The following BRIP1 variants were observed in gnomAD, a reference collection of about 807,000 sequenced individuals.
BRIP1 encodes the protein BRCA1 interacting DNA helicase 1, also known as Fanconi anemia group J protein.
BRIP1 carries 88 observed loss-of-function variants against 119.7 expected under a neutral mutation model. The observed-to-expected ratio is 0.74, with a 90% CI of 0.62 to 0.88. The LOEUF is 0.88. BRIP1 is among the 40% of genes least tolerant of loss of function. The probability of loss-of-function intolerance (pLI) is 0.00; values close to 1 mark genes in which losing one functional copy is unlikely to be tolerated. For synonymous variants in BRIP1, 443 were observed against 496.5 expected (o/e 0.89, Z 1.43); for missense variants, 1,259 against 1,455.4 (o/e 0.87, Z 2.20).
chr17:61,817,918 A>G (rs1378979125), intron 6 of BRIP1, among the ~76,000 whole-genome samples: 1 of 152,230 alleles, frequency 6.6e-6, no homozygotes, highest in African/African-American at 2.4e-5. Flanking sequence ...CAATTTTTGT[A>G]GACTAGTAAA....
chr17:61,702,219 C>T (rs564285983), intron 17 of BRIP1, among the ~76,000 whole-genome samples: 1 of 152,202 alleles, frequency 6.6e-6, no homozygotes, highest in African/African-American at 2.4e-5. Flanking sequence ...ACATCTTCAT[C>T]TATGTTTCAG....
At position 61,701,359 on chromosome 17, in the gene BRIP1, G is replaced by C. The variant is rs2061610912; in HGVS notation, c.2493-7847C>G. On this transcript the variant is annotated intron_variant, in intron 17 of 19. Coordinates refer to ENST00000259008, the MANE Select transcript of BRIP1 (RefSeq NM_032043.3). The surrounding 1 kb of genome is among the most constrained non-coding windows in gnomAD (Gnocchi z 5.1). Reference sequence around the variant, plus strand: ...GTCTGTATTGTCATGTGTGGTCATTGAAGACTGCTCGATTAACTTAGTAGT... The same window carrying C: ...GTCTGTATTGTCATGTGTGGTCATTCAAGACTGCTCGATTAACTTAGTAGT... Among the ~76,000 whole-genome samples the C allele has an allele frequency of 6.6e-6, 1 of 152,144 alleles. No individual in the cohort carries two copies. The highest frequency in any genetic ancestry group is 1.5e-5 in the Non-Finnish European group (1 of 68,018).
At chr17:61,765,155 T>C (rs572094941) in intron 14 of BRIP1, among the ~76,000 whole-genome samples, 1 of 151,380 alleles carries the variant, frequency 6.6e-6, no homozygotes, top group African/African-American at 2.4e-5. Context: ...TTATTTTCTT[T>C]CTGTCCAGTC....
Position 61,859,741 on chromosome 17 carries a change from A to T in BRIP1, c.205+55T>A, listed in dbSNP as rs570663053. On this transcript the variant is annotated intron_variant, in intron 3 of 19. Transcript: ENST00000259008. ...AACCAGTCTGGATAAAGAATACTGT[A>T]TTATATTTTCTCAGATCCCAGTAAG... 121 of 1,101,834 alleles carry T rather than the reference A, an allele frequency of 1.1e-4. No individual in the cohort carries two copies. In the African/African-American group the frequency reaches 1.6e-3, roughly 14 times the overall value. 68.3% of individuals were successfully genotyped at this position (1,101,834 alleles called of 1,614,324 possible). A position where few individuals can be genotyped will look rare whatever the true frequency, so the allele number is the denominator to read the frequency against.
intron 5 of BRIP1, among the ~76,000 whole-genome samples, chr17:61,847,989 T>A (rs996891377): frequency 1.7e-4 from 26 of 152,296 alleles, no homozygotes; most frequent in East Asian, 9.6e-4. Flanking sequence ...TTGTCATTGG[T>A]ACTTTGATAA....
chr17:61,683,897 G>T lies in BRIP1; in HGVS notation c.3149C>A (p.Thr1050Asn), dbSNP rs373040333. 6.9e-5 allele frequency: 111 copies of T among 1,614,186 alleles called. 2 individuals carry two copies. In the Middle Eastern group the frequency reaches 1.5e-3, roughly 22 times the overall value. ...CAGATTTGAGGATTCACATTTATCA[G>T]TGAAGGGCAAAACAGTTTTACTTTC... Reference protein sequence around the residue: ...KMESKTVLPFTDKCESSNLTV... With the variant: ...KMESKTVLPFNDKCESSNLTV... Residue 1050 changes from threonine to asparagine, a missense_variant, in exon 20 of 20, where the codon ACT becomes AAT. Thr to Asn is a moderately conservative substitution (Grantham distance 65, BLOSUM62 0). This residue lies in a region of BRIP1 where 753 missense variants were observed against 891.8 expected (regional missense o/e 0.84). Coordinates refer to ENST00000259008, the MANE Select transcript of BRIP1 (RefSeq NM_032043.3). The surrounding 1 kb of genome is among the most constrained non-coding windows in gnomAD (Gnocchi z 4.7).
chr17:61,766,345 T>C (rs536950144), intron 14 of BRIP1, among the ~76,000 whole-genome samples: 3 of 152,230 alleles, frequency 2.0e-5, no homozygotes, highest in African/African-American at 7.2e-5. Context: ...AAGAACTACA[T>C]CTAACCTGAG....
chr17:61,783,188 T>G, intron 11 of BRIP1, among the ~76,000 whole-genome samples: 1 of 152,296 alleles, frequency 6.6e-6, no homozygotes, highest in South Asian at 2.1e-4. Flanking sequence ...TTGTGGTATA[T>G]ACATACAATG....
At position 61,846,229 on chromosome 17, in the gene BRIP1, A is replaced by G. The variant is rs1052045444; in HGVS notation, c.627+872T>C. On this transcript the variant is annotated intron_variant, in intron 6 of 19. Transcript: ENST00000259008. The surrounding 1 kb of genome is among the most constrained non-coding windows in gnomAD (Gnocchi z 4.3). ...AATTTAAAAAATTATATACATATAG[A>G]GAGAGAGAGAGAGAAAAAGAGAGAG... is the stretch of plus-strand genomic sequence containing the variant. Among the ~76,000 whole-genome samples the G allele has an allele frequency of 3.2e-5, 4 of 123,862 alleles. No homozygotes were observed. Among genetic ancestry groups the G allele is most frequent in the Non-Finnish European group, 6.0e-5 (4 of 67,060 alleles). 81.3% of individuals were successfully genotyped at this position (123,862 alleles called of 152,430 possible). A position where few individuals can be genotyped will look rare whatever the true frequency, so the allele number is the denominator to read the frequency against.
chr17:61,719,424 G>C (rs1228592217), intron 16 of BRIP1, among the ~76,000 whole-genome samples: 6 of 152,036 alleles, frequency 3.9e-5, no homozygotes, highest in African/African-American at 1.2e-4. Context: ...ATATGTGGAA[G>C]CTTAAAAATG....
chr17:61,861,857 G>T lies in BRIP1; in HGVS notation c.-30-288C>A. 2.3e-6 allele frequency: 1 copy of T among 432,838 alleles called. No homozygotes were observed. Among genetic ancestry groups the T allele is most frequent in the Non-Finnish European group, 4.3e-6 (1 of 234,082 alleles). 26.8% of individuals were successfully genotyped at this position (432,838 alleles called of 1,614,324 possible). ...CCACAGTGACTGCATGTACCCCATA[G>T]GATTGTGGTAATGATTAAGTGAAAT... On this transcript the variant is annotated intron_variant, in intron 1 of 19. Coordinates refer to ENST00000259008, the MANE Select transcript of BRIP1 (RefSeq NM_032043.3). This position sits in a 1 kb window ranked among gnomAD's most constrained non-coding sequence, Gnocchi z 4.5.
intron 10 of BRIP1, among the ~76,000 whole-genome samples, chr17:61,792,861 T>C (rs901174623): frequency 2.0e-5 from 3 of 152,180 alleles, no homozygotes; most frequent in African/African-American, 7.2e-5. Flanking sequence ...TCATCAATTA[T>C]AACAAATATA....
chr17:61,843,529 T>C lies in BRIP1; in HGVS notation c.627+3572A>G, dbSNP rs898944198. On this transcript the variant is annotated intron_variant, in intron 6 of 19. Transcript: ENST00000259008. This position sits in a 1 kb window ranked among gnomAD's most constrained non-coding sequence, Gnocchi z 5.7. ...TAGTGTAAAGTGCTTGGGTCATCAA[T>C]GGCTGGTGCCCTCCTCACAGTAATG... 2.6e-5 allele frequency among the ~76,000 whole-genome samples: 4 copies of C among 152,198 alleles called. No individual in the cohort carries two copies. Among genetic ancestry groups the C allele is most frequent in the Non-Finnish European group, 4.4e-5 (3 of 68,032 alleles).
intron 14 of BRIP1, among the ~76,000 whole-genome samples, chr17:61,749,478 T>C (rs1313708093): frequency 1.3e-5 from 2 of 150,310 alleles, no homozygotes; most frequent in African/African-American, 5.0e-5. Context: ...ATACAAATGG[T>C]TAACAGGTAT....
intron 6 of BRIP1, among the ~76,000 whole-genome samples, chr17:61,820,284 A>T (rs564740270): frequency 2.6e-5 from 4 of 152,310 alleles, no homozygotes; most frequent in African/African-American, 9.6e-5. Flanking sequence ...CTAAAACACC[A>T]CTAAAATAAA....
chr17:61,855,278 A>G (rs1454484558), intron 4 of BRIP1, among the ~76,000 whole-genome samples: 1 of 152,188 alleles, frequency 6.6e-6, no homozygotes, highest in Non-Finnish European at 1.5e-5. Context: ...GTCAAAATGT[A>G]TCAAAGTGTA....
In BRIP1 at chr17:61,680,798, T is replaced by C. The variant is rs1165596589; in HGVS notation, c.*2498A>G. 6.6e-6 allele frequency among the ~76,000 whole-genome samples: 1 copy of C among 152,154 alleles called. No individual in the cohort carries two copies. Among genetic ancestry groups the C allele is most frequent in the Non-Finnish European group, 1.5e-5 (1 of 68,032 alleles). ...CTGGCCCTAAAGGTAATTTTAAAAG[T>C]CCTCAAAATGTTTTAATTGTAGCAT... On this transcript the variant is annotated 3_prime_UTR_variant, in exon 20 of 20. Transcript: ENST00000259008.
At chr17:61,721,951 A>G (rs141682755) in intron 16 of BRIP1, among the ~76,000 whole-genome samples, 3,774 of 150,424 alleles carry the variant, frequency 0.025, 73 homozygotes, top group Admixed American at 0.035. Flanking sequence ...CTGGTCTCGA[A>G]CTCCTGATCT....
chr17:61,759,548 C>G lies in BRIP1; in HGVS notation c.2098-14957G>C, dbSNP rs1603310379. 6.6e-6 allele frequency among the ~76,000 whole-genome samples: 1 copy of G among 151,970 alleles called. No individual in the cohort carries two copies. Among genetic ancestry groups the G allele is most frequent in the Non-Finnish European group, 1.5e-5 (1 of 67,962 alleles). The stretch of plus-strand genomic sequence containing the variant: ...AGAAAATATATTTAAAAACATTGGA[C>G]TTGAATAAATTTAGACCAAATGGAC... On this transcript the variant is annotated intron_variant, in intron 14 of 19. Transcript: ENST00000259008. This position sits in a 1 kb window ranked among gnomAD's most constrained non-coding sequence, Gnocchi z 4.9.
Sources: allele counts gnomAD v4.1 joint callset (sites outside exome capture counted in the v4.1 genomes callset), GRCh38; gene constraint gnomAD v4.1.1; regional missense constraint gnomAD v4.1.1; non-coding constraint Gnocchi (gnomAD v3.1); transcripts MANE v1.5; gene names NCBI Gene and HGNC (gene_info 2026-07-23, HGNC 2026-07-21).